The following NUDC variants were observed in gnomAD, a reference collection of about 807,000 sequenced individuals.
NUDC encodes the protein nuclear migration protein nudC.
In NUDC, 14 loss-of-function variants were observed where a neutral mutation model predicts 45.0. The ratio of observed to expected loss-of-function variants is 0.31; its 90% CI spans 0.21 to 0.49. The LOEUF (loss-of-function observed/expected upper bound fraction) is 0.49. Among genes scored for constraint, NUDC ranks in the 20% least tolerant of loss-of-function variants. The pLI is 0.99. For missense variants in NUDC, 323 were observed against 426.2 expected, an observed-to-expected ratio of 0.76 and a Z score of 2.13; for synonymous variants, 153 against 156.7, an observed-to-expected ratio of 0.98 and a Z score of 0.17.
chr1:26,936,138 T>C (rs1425343153), intron 2 of NUDC, among the ~76,000 whole-genome samples: 2 of 4,858 alleles, frequency 4.1e-4, no homozygotes, highest in Non-Finnish European at 1.3e-3. Context: ...CCGGCTAATA[T>C]ATATATATAT....
intron 2 of NUDC, among the ~76,000 whole-genome samples, chr1:26,903,518 GA>G (rs1463190688): frequency 6.6e-6 from 1 of 152,120 alleles, no homozygotes; most frequent in Non-Finnish European, 1.5e-5. Flanking sequence ...ACTCATTTCA[GA>G]AAGCAATAGT....
intron 2 of NUDC, among the ~76,000 whole-genome samples, chr1:26,905,630 A>C (rs2124051882): frequency 6.6e-6 from 1 of 150,684 alleles, no homozygotes; most frequent in South Asian, 2.1e-4. Context: ...GGTCCGTTGC[A>C]GCCCCGAGTT....
At chr1:26,911,310 C>T (rs1392792419) in intron 3 of NUDC, 4 of 390,128 alleles carry the variant, frequency 1.0e-5, no homozygotes, top group Non-Finnish European at 2.1e-5. Flanking sequence ...GAGCAACCTC[C>T]TTCCCCTGAG....
intron 2 of NUDC, among the ~76,000 whole-genome samples, chr1:26,928,007 C>CA (rs1157234899): frequency 6.6e-6 from 1 of 151,888 alleles, no homozygotes; most frequent in Non-Finnish European, 1.5e-5. Context: ...CACGAACTTA[C>CA]AAAAAAATAC....
chr1:26,939,640 G>A (rs750040082), intron 2 of NUDC, among the ~76,000 whole-genome samples: 1 of 152,100 alleles, frequency 6.6e-6, no homozygotes, highest in African/African-American at 2.4e-5. Context: ...ACAGAGACAT[G>A]ACCTCAGGGT....
chr1:26,937,307 GGTTGTA>G (rs2082242966), intron 2 of NUDC, among the ~76,000 whole-genome samples: 1 of 152,140 alleles, frequency 6.6e-6, no homozygotes, highest in African/African-American at 2.4e-5. Context: ...CTCTCACGCA[GGTTGTA>G]GTGCAGCGGC....
At chr1:26,924,928 T>C (rs1308378424) in intron 2 of NUDC, among the ~76,000 whole-genome samples, 1 of 151,826 alleles carries the variant, frequency 6.6e-6, no homozygotes, top group Non-Finnish European at 1.5e-5. Flanking sequence ...TTGCGCAGGC[T>C]GGAGTGCAGT....
At position 26,942,667 on chromosome 1, in the gene NUDC, A is replaced by C; in HGVS notation, c.437A>C (p.Glu146Ala). The C allele has an allele frequency of 1.9e-6, 3 of 1,613,956 alleles. No individual in the cohort carries two copies. Among genetic ancestry groups the C allele is most frequent in the Non-Finnish European group, 2.5e-6 (3 of 1,179,932 alleles). Reference sequence around the variant, plus strand: ...GTCCCTGATTGTAAGCAGGATACTGAGGAAGATGAGGAGGAAGATGAGAAG... The same window carrying C: ...GTCCCTGATTGTAAGCAGGATACTGCGGAAGATGAGGAGGAAGATGAGAAG... ...SLDSPGKQDT[E>A]EDEEEDEKDK... The change falls in exon 5 of 9, where the codon GAG (glutamate) becomes GCG (alanine). Residue 146 changes from glutamate (E) to alanine (A), a missense_variant. By Grantham distance (107) the Glu-to-Ala change is moderately radical. Transcript: ENST00000321265.
rs777140276 is a variant in NUDC at position 26,911,907 on chromosome 1, G to A, written c.93+672G>A. ...ATGTCAACATCTCCAATGATAGGGC[G>A]AAAGAAGAGGTCCCCAAGCAGGCTG... On this transcript the variant is annotated intron_variant, in intron 3 of 6. Transcript: ENST00000435827. The A allele has an allele frequency of 4.0e-5, 65 of 1,614,058 alleles. No individual in the cohort carries two copies. Among genetic ancestry groups the A allele is most frequent in the South Asian group, 3.6e-4 (33 of 91,084 alleles).
At chr1:26,908,858 C>T (rs949414238) in intron 2 of NUDC, among the ~76,000 whole-genome samples, 13 of 152,056 alleles carry the variant, frequency 8.5e-5, no homozygotes, top group Admixed American at 6.6e-4. Context: ...TTTCGTGCCT[C>T]GGCCTCCCGA....
At chr1:26,901,784 T>C (rs563900827) in intron 1 of NUDC, among the ~76,000 whole-genome samples, 5 of 152,262 alleles carry the variant, frequency 3.3e-5, no homozygotes, top group Admixed American at 6.5e-5. Flanking sequence ...CTACACATTA[T>C]ACTGGGTGAT....
intron 2 of NUDC, among the ~76,000 whole-genome samples, chr1:26,930,462 T>TA (rs2082171632): frequency 1.3e-5 from 2 of 152,108 alleles, no homozygotes; most frequent in South Asian, 4.1e-4. Flanking sequence ...TTTTGTTTTT[T>TA]AAAAAAATAT....
At chr1:26,914,855 TA>T (rs1454333934) in intron 3 of NUDC, among the ~76,000 whole-genome samples, 1 of 151,836 alleles carries the variant, frequency 6.6e-6, no homozygotes, top group African/African-American at 2.4e-5. Context: ...TAGTCCCAGC[TA>T]CTCTAGAGGC....
intron 3 of NUDC, chr1:26,912,205 T>A (rs2082032306): frequency 3.3e-6 from 4 of 1,203,312 alleles, no homozygotes; most frequent in Admixed American, 2.3e-5. Flanking sequence ...GCTCGGCCTT[T>A]GAGGTCCCAC....
intron 2 of NUDC, among the ~76,000 whole-genome samples, chr1:26,903,051 CA>C (rs35863679): frequency 0.1 from 13,947 of 139,968 alleles, 756 homozygotes; most frequent in African/African-American, 0.16. Context: ...GACTCTGTCT[CA>C]AAAAAAAAAA....
rs67296768 is a variant in NUDC, at chr1:26,915,058, C to CATATATATATATATATATAT, written c.93+3841_93+3842insATATATATATATATATATAT. ...ATATATATATACACATACATACATA[C>CATATATATATATATATATAT]ATATATATATATATATATGTATATA... is the stretch of plus-strand genomic sequence containing the variant. On this transcript the variant is annotated intron_variant, in intron 3 of 6. Coordinates refer to the NUDC transcript ENST00000435827. Among the ~76,000 whole-genome samples the CATATATATATATATATATAT allele has an allele frequency of 1.7e-3, 236 of 140,496 alleles. 2 individuals carry two copies. The highest frequency in any genetic ancestry group is 4.9e-3 in the East Asian group (24 of 4,932). The allele number at this position is 140,496 out of a possible 152,430, so 92.2% of individuals were successfully genotyped here. A position where few individuals can be genotyped will look rare whatever the true frequency, so the allele number is the denominator to read the frequency against.
chr1:26,902,733 G>A (rs2081985845), intron 2 of NUDC, among the ~76,000 whole-genome samples: 1 of 151,054 alleles, frequency 6.6e-6, no homozygotes, highest in Non-Finnish European at 1.5e-5. Flanking sequence ...GCAGCAGAAT[G>A]AGAATCTGTC....
chr1:26,925,412 C>A (rs1228057297), intron 2 of NUDC, among the ~76,000 whole-genome samples: 1 of 150,410 alleles, frequency 6.6e-6, no homozygotes, highest in African/African-American at 2.4e-5. Context: ...AGGTGGCGGG[C>A]GCCTGTAGTC....
At chr1:26,911,436 C>T in intron 3 of NUDC, 1 of 344,044 alleles carries the variant, frequency 2.9e-6, no homozygotes, top group South Asian at 2.3e-5. Context: ...AGGGTGGGCC[C>T]TGGAGGTGAG....
Sources: allele counts gnomAD v4.1 joint callset (sites outside exome capture counted in the v4.1 genomes callset), GRCh38; gene constraint gnomAD v4.1.1; transcripts MANE v1.5; gene names NCBI Gene and HGNC (gene_info 2026-07-23, HGNC 2026-07-21).